Variants in UBE2E1 observed in about 807,000 individuals in gnomAD.
UBE2E1 encodes ubiquitin-conjugating enzyme E2 E1.
Under a neutral mutation model 21.4 loss-of-function variants are expected in UBE2E1, and 6 were observed. The observed-to-expected ratio is 0.28, with a 90% CI of 0.15 to 0.55. The LOEUF is 0.55. Among genes scored for constraint, UBE2E1 ranks in the 20% least tolerant of loss-of-function variants. The pLI, the probability that UBE2E1 is intolerant of heterozygous loss-of-function variation, is 0.93. For synonymous variants in UBE2E1, 87 were observed against 82.7 expected (o/e 1.05, Z -0.28); for missense variants, 142 against 236.5 (o/e 0.60, Z 2.62).
Position 23,850,279 on chromosome 3 carries a change from G to A in UBE2E1, c.204-37288G>A, listed in dbSNP as rs575712437. Among the ~76,000 whole-genome samples, 114 of 152,204 alleles carry A rather than the reference G, an allele frequency of 7.5e-4. 2 individuals carry two copies. The South Asian group carries it at 0.018, about 25-fold the overall frequency. On this transcript the variant is annotated intron_variant, in intron 3 of 5. Coordinates refer to ENST00000306627, the MANE Select transcript of UBE2E1 (RefSeq NM_003341.5). Reference sequence around the variant, plus strand: ...GCCTCCCAAAGTGCTGGGATTACACGTGTGAGCCACTGTGCCTGGCCATTA... The same window carrying A: ...GCCTCCCAAAGTGCTGGGATTACACATGTGAGCCACTGTGCCTGGCCATTA...
chr3:23,872,044 C>A (rs1417255409), intron 3 of UBE2E1, among the ~76,000 whole-genome samples: 1 of 152,018 alleles, frequency 6.6e-6, no homozygotes, highest in East Asian at 1.9e-4. Flanking sequence ...GAGGTTGTAG[C>A]CGGCCGAGAT....
At chr3:23,832,332 G>C (rs1699884641) in intron 3 of UBE2E1, among the ~76,000 whole-genome samples, 1 of 152,190 alleles carries the variant, frequency 6.6e-6, no homozygotes, top group South Asian at 2.1e-4. Context: ...GGAGGGAGGA[G>C]ACCTGTAAAG....
chr3:23,879,408 C>T lies in UBE2E1; in HGVS notation c.204-8159C>T. ...CTGTATAAGACAGTTGTCTTGCTAG[C>T]ACAGTACAAACCCAGGAAAACAGTG... is the stretch of plus-strand genomic sequence containing the variant. On this transcript the variant is annotated intron_variant, in intron 3 of 5. Coordinates refer to ENST00000306627, the MANE Select transcript of UBE2E1 (RefSeq NM_003341.5). 4.0e-5 allele frequency: 20 copies of T among 506,106 alleles called. 1 individual carries two copies. Among genetic ancestry groups the T allele is most frequent in the South Asian group, 3.2e-4 (20 of 62,866 alleles). 31.4% of individuals were successfully genotyped at this position (506,106 alleles called of 1,614,324 possible). A position where few individuals can be genotyped will look rare whatever the true frequency, so the allele number is the denominator to read the frequency against.
intron 3 of UBE2E1, among the ~76,000 whole-genome samples, chr3:23,865,629 A>G (rs1700641394): frequency 6.6e-6 from 1 of 152,096 alleles, no homozygotes; most frequent in Non-Finnish European, 1.5e-5. Flanking sequence ...GCTGGCTCAC[A>G]CCTGTGAGCA....
chr3:23,850,006 C>G (rs1700287087), intron 3 of UBE2E1, among the ~76,000 whole-genome samples: 1 of 152,142 alleles, frequency 6.6e-6, no homozygotes, highest in African/African-American at 2.4e-5. Flanking sequence ...TTTCTAATAG[C>G]AATGATGTTG....
At chr3:23,812,225 T>A (rs1301326758) in intron 3 of UBE2E1, among the ~76,000 whole-genome samples, 2 of 130,766 alleles carry the variant, frequency 1.5e-5, no homozygotes, top group Non-Finnish European at 3.2e-5. Flanking sequence ...AACAATGAAG[T>A]GAGGGTAACT....
rs114494828 is a variant in UBE2E1, at chr3:23,886,455, A to G, written c.204-1112A>G. ...CCCATTACCCGCTATTCGGTTGCCC[A>G]TATTTTCTCCCTCCTTTTTTGCCAT... On this transcript the variant is annotated intron_variant, in intron 3 of 5. Transcript: ENST00000306627. Among the ~76,000 whole-genome samples, 932 of 152,216 alleles carry G rather than the reference A, an allele frequency of 6.1e-3. 9 individuals are homozygous for G. Among genetic ancestry groups the G allele is most frequent in the African/African-American group, 0.021 (875 of 41,542 alleles).
chr3:23,858,868 T>C (rs1167937366), intron 3 of UBE2E1, among the ~76,000 whole-genome samples: 1 of 152,004 alleles, frequency 6.6e-6, no homozygotes, highest in African/African-American at 2.4e-5. Context: ...GAGAGGAGGG[T>C]TGCCCATAGG....
rs536532527 is a variant in UBE2E1 at position 23,889,553 on chromosome 3, C to T, written c.484+294C>T. 2.7e-4 allele frequency: 373 copies of T among 1,377,906 alleles called. 1 individual carries two copies. In the African/African-American group the frequency reaches 5.3e-3, roughly 19 times the overall value. 85.4% of individuals were successfully genotyped at this position (1,377,906 alleles called of 1,614,324 possible). A position where few individuals can be genotyped will look rare whatever the true frequency, so the allele number is the denominator to read the frequency against. On this transcript the variant is annotated intron_variant, in intron 5 of 5. Transcript: ENST00000306627. ...CTTTTTTTTTCCTGTTGCTTAATTT[C>T]CCATAGAGTTCTTATAAAACAAATC...
At chr3:23,815,154 G>C (rs1699488745) in intron 3 of UBE2E1, among the ~76,000 whole-genome samples, 1 of 152,040 alleles carries the variant, frequency 6.6e-6, no homozygotes, top group Non-Finnish European at 1.5e-5. Flanking sequence ...TTAATTTTTT[G>C]TATTTTTTTG....
chr3:23,851,818 A>T (rs886385589), intron 3 of UBE2E1, among the ~76,000 whole-genome samples: 1 of 152,122 alleles, frequency 6.6e-6, no homozygotes, highest in African/African-American at 2.4e-5. Flanking sequence ...ATTAAAATTC[A>T]GATCTGTACA....
chr3:23,835,623 A>C (rs187566165), intron 3 of UBE2E1, among the ~76,000 whole-genome samples: 149 of 152,388 alleles, frequency 9.8e-4, no homozygotes, highest in African/African-American at 3.4e-3. Context: ...TATACGTTTT[A>C]AAATTTGCAT....
Position 23,807,153 on chromosome 3 carries a change from A to G in UBE2E1, c.-33-84A>G, listed in dbSNP as rs111578725. ...GGGCGGCCGCGTGCGCCCCTGGTCA[A>G]TGCCCTCCTGACAGCACCCGAGTTC... On this transcript the variant is annotated intron_variant, in intron 1 of 5. Coordinates refer to ENST00000306627, the MANE Select transcript of UBE2E1 (RefSeq NM_003341.5). 2,301 of 1,226,342 alleles carry G rather than the reference A, an allele frequency of 1.9e-3. 29 individuals are homozygous for G. In the African/African-American group the frequency reaches 0.025, roughly 13 times the overall value. 76.0% of individuals were successfully genotyped at this position (1,226,342 alleles called of 1,614,324 possible).
chr3:23,817,438 AGAAAG>A (rs1272181679), intron 3 of UBE2E1, among the ~76,000 whole-genome samples: 1,504 of 54,558 alleles, frequency 0.028, 43 homozygotes, highest in African/African-American at 0.093. Flanking sequence ...AAAAAAAAAA[AGAAAG>A]AAAAGAAAAG....
intron 3 of UBE2E1, among the ~76,000 whole-genome samples, chr3:23,826,003 G>A (rs1169368364): frequency 6.6e-6 from 1 of 152,152 alleles, no homozygotes; most frequent in Admixed American, 6.5e-5. Context: ...GATTGCACCT[G>A]TGAGTGGCCA....
chr3:23,835,886 A>G (rs1043717162), intron 3 of UBE2E1, among the ~76,000 whole-genome samples: 8 of 152,226 alleles, frequency 5.3e-5, no homozygotes, highest in Admixed American at 2.6e-4. Context: ...TCAACACGTA[A>G]TAGCTTTATA....
intron 2 of UBE2E1, 127 bp from the exon 3 acceptor site, chr3:23,811,333 G>T: frequency 1.2e-6 from 1 of 847,860 alleles, no homozygotes; most frequent in Non-Finnish European, 1.9e-6. Flanking sequence ...TTGATGTGTA[G>T]TTCCTCTTTG....
intron 3 of UBE2E1, among the ~76,000 whole-genome samples, chr3:23,852,389 T>C (rs1700345345): frequency 1.3e-5 from 2 of 152,214 alleles, no homozygotes; most frequent in South Asian, 4.1e-4. Context: ...AAATTTGAAT[T>C]TTTAAAAATT....
At chr3:23,883,512 A>G (rs1231973085) in intron 3 of UBE2E1, among the ~76,000 whole-genome samples, 1 of 152,156 alleles carries the variant, frequency 6.6e-6, no homozygotes, top group African/African-American at 2.4e-5. Flanking sequence ...AACAAATAAA[A>G]TTGTACGCCC....
Sources: allele counts gnomAD v4.1 joint callset (sites outside exome capture counted in the v4.1 genomes callset), GRCh38; gene constraint gnomAD v4.1.1; transcripts MANE v1.5; gene names NCBI Gene and HGNC (gene_info 2026-07-23, HGNC 2026-07-21).